The following SPG7 variants were observed in gnomAD, a reference collection of about 807,000 sequenced individuals.
SPG7 encodes SPG7 matrix AAA peptidase subunit, paraplegin, also known as mitochondrial inner membrane m-AAA protease component paraplegin.
Under a neutral mutation model 81.9 loss-of-function variants are expected in SPG7, and 103 were observed. That is an observed-to-expected ratio of 1.26 (90% CI 1.07 to 1.48). SPG7 has a LOEUF of 1.48. Ranked by LOEUF, SPG7 falls within the 40% of genes most tolerant of loss-of-function variation. The pLI is 0.00. For synonymous variants in SPG7, 534 were observed against 444.2 expected (o/e 1.20, Z -2.54); for missense variants, 1,241 against 1,087.3 (o/e 1.14, Z -1.99).
intron 5 of SPG7, among the ~76,000 whole-genome samples, chr16:89,528,303 G>A (rs999501152): frequency 1.3e-5 from 2 of 151,674 alleles, no homozygotes; most frequent in Admixed American, 1.3e-4. Context: ...GAGGCAGGAG[G>A]ATGGCGTGAA....
At chr16:89,511,995 T>C (rs2058029809) in intron 2 of SPG7, among the ~76,000 whole-genome samples, 1 of 151,986 alleles carries the variant, frequency 6.6e-6, no homozygotes, top group Non-Finnish European at 1.5e-5. Context: ...CACTGCAAGC[T>C]CTGCCTCCAG....
intron 3 of SPG7, 96 bp from the exon 4 acceptor site, chr16:89,523,910 C>A: frequency 6.6e-7 from 1 of 1,509,202 alleles, no homozygotes; most frequent in Non-Finnish European, 9.0e-7. Flanking sequence ...CGCTGCCCCT[C>A]CCCGTCCAGC....
In SPG7 at chr16:89,524,189, C is replaced by T. The variant is rs2152399546; in HGVS notation, c.560C>T (p.Pro187Leu). 1 of 1,613,928 alleles carries T rather than the reference C, an allele frequency of 6.2e-7. No homozygotes were observed. Among genetic ancestry groups the T allele is most frequent in the African/African-American group, 1.3e-5 (1 of 75,026 alleles). The change falls in exon 4 of 17, where the codon CCT (proline) becomes CTT (leucine). Residue 187 changes from proline (P) to leucine (L), a missense_variant. Physicochemically the swap from Pro to Leu is moderately conservative, Grantham distance 98 (BLOSUM62 -3). Transcript: ENST00000645818. The part of the protein sequence containing the change: ...KGEVQRVQVV[P>L]ESDVVEVYLH... ...GAGGTGCAGCGCGTCCAGGTGGTGC[C>T]TGAGAGCGACGTGGTGGAAGTCTAC...
At chr16:89,509,912 C>T (rs2057990351) in intron 1 of SPG7, among the ~76,000 whole-genome samples, 1 of 151,762 alleles carries the variant, frequency 6.6e-6, no homozygotes, top group African/African-American at 2.4e-5. Context: ...CCTCAGCCTC[C>T]CAAAGTGCTG....
At chr16:89,552,050 G>C (rs966567041) in intron 13 of SPG7, 1 of 152,072 alleles carries the variant, frequency 6.6e-6, no homozygotes, top group Non-Finnish European at 1.5e-5. Context: ...CACTGCAGCC[G>C]TTATTTAGAG....
At chr16:89,517,976 A>G (rs1356984921) in intron 3 of SPG7, 1 of 152,334 alleles carries the variant, frequency 6.6e-6, no homozygotes, top group East Asian at 1.9e-4. Flanking sequence ...CTTGGAGAAA[A>G]TAATGTCTGT....
In SPG7 at chr16:89,526,413, A is replaced by G. The variant is rs191022979; in HGVS notation, c.703A>G (p.Ile235Val). The change falls in exon 5 of 17, where the codon ATC becomes GTC. Residue 235 changes from isoleucine to valine, a missense_variant. Physicochemically the swap from Ile to Val is conservative, Grantham distance 29. Transcript: ENST00000645818. ...TCGAGCAGCTGAAGATGAGCTGAAT[A>G]TCGAGGCCAAGGACAGGATCCCAGT... ...KLRAAEDELN[I>V]EAKDRIPVSY... 22 of 1,614,204 alleles carry G rather than the reference A, an allele frequency of 1.4e-5. No individual in the cohort carries two copies. The Admixed American group carries it at 3.0e-4, about 22-fold the overall frequency.
chr16:89,541,934 T>C (rs12928752), intron 9 of SPG7: 75,996 of 147,736 alleles, frequency 0.51, 19,462 homozygotes, highest in Non-Finnish European at 0.55. Context: ...GCCACCCTGA[T>C]ACATAGCGGC....
intron 3 of SPG7, chr16:89,520,686 T>C (rs918254965): frequency 6.6e-6 from 1 of 151,222 alleles, no homozygotes; most frequent in African/African-American, 2.4e-5. Flanking sequence ...CGTAAGCCAC[T>C]GCGCCCAGCC....
chr16:89,539,820 T>C (rs901560922), intron 9 of SPG7: 4 of 152,152 alleles, frequency 2.6e-5, no homozygotes, highest in Non-Finnish European at 5.9e-5. Flanking sequence ...AATGATCTTT[T>C]CACCTCAGCT....
rs1419170613 is a variant in SPG7 at position 89,508,484 on chromosome 16, T to G, written c.67T>G (p.Trp23Gly). Residue 23 changes from tryptophan to glycine, a missense_variant, in exon 1 of 17, where the codon TGG becomes GGG. Transcript: ENST00000645818. Reference sequence around the variant, plus strand: ...TCCAGGCCCGGGTCCTCGGCCGCTGTGGGGCCCAGGCCCGGCCTGGAGTCC... The same window carrying G: ...TCCAGGCCCGGGTCCTCGGCCGCTGGGGGGCCCAGGCCCGGCCTGGAGTCC... Reference protein sequence around the residue: ...RGPGPGPRPLWGPGPAWSPGF... With the variant: ...RGPGPGPRPLGGPGPAWSPGF... 1 of 1,509,352 alleles carries G rather than the reference T, an allele frequency of 6.6e-7. No individual in the cohort carries two copies. The highest frequency in any genetic ancestry group is 1.2e-5 in the South Asian group (1 of 81,442). 93.5% of individuals were successfully genotyped at this position (1,509,352 alleles called of 1,614,324 possible). A position where few individuals can be genotyped will look rare whatever the true frequency, so the allele number is the denominator to read the frequency against.
intron 9 of SPG7, chr16:89,539,943 A>G (rs1302866189): frequency 6.6e-6 from 1 of 152,182 alleles, no homozygotes; most frequent in Non-Finnish European, 1.5e-5. Flanking sequence ...GTCTACATGA[A>G]GTGGGAGGTT....
intron 7 of SPG7, chr16:89,531,343 AGAC>A (rs1257722059): frequency 5.0e-6 from 1 of 200,530 alleles, no homozygotes; most frequent in African/African-American, 2.3e-5. Flanking sequence ...GGCAACAGTG[AGAC>A]CCTGTCTCTG....
chr16:89,517,452 G>C (rs2058115042), intron 3 of SPG7: 1 of 152,308 alleles, frequency 6.6e-6, no homozygotes, highest in Non-Finnish European at 1.5e-5. Context: ...GTAGGTGCTT[G>C]TCCAGTGAAA....
chr16:89,513,342 C>T lies in SPG7; in HGVS notation c.376+305C>T, dbSNP rs192540316. Among the ~76,000 whole-genome samples, 67 of 151,908 alleles carry T rather than the reference C, an allele frequency of 4.4e-4. 1 individual carries two copies. The highest frequency in any genetic ancestry group is 1.4e-3 in the African/African-American group (58 of 41,412). On this transcript the variant is annotated intron_variant, in intron 3 of 16. Coordinates refer to ENST00000645818, the MANE Select transcript of SPG7 (RefSeq NM_003119.4). ...CTGCACCCTGGCCAACATGGTGAAACCCCGTCTTTACTAAAAATAGAAAAT... is the reference window on the plus strand; with the variant it reads ...CTGCACCCTGGCCAACATGGTGAAATCCCGTCTTTACTAAAAATAGAAAAT...
chr16:89,515,281 A>G (rs1240575008), intron 3 of SPG7, among the ~76,000 whole-genome samples: 2 of 135,762 alleles, frequency 1.5e-5, no homozygotes, highest in African/African-American at 2.8e-5. Flanking sequence ...TTATTTATTT[A>G]TTTTTGAAAC....
At chr16:89,540,334 C>T (rs2058478804) in intron 9 of SPG7, 3 of 152,114 alleles carry the variant, frequency 2.0e-5, no homozygotes, top group African/African-American at 7.2e-5. Flanking sequence ...TACGTGTGAT[C>T]CCAGCATTTT....
intron 3 of SPG7, chr16:89,522,574 C>T (rs74037214): frequency 0.031 from 4,776 of 152,122 alleles, 229 homozygotes; most frequent in African/African-American, 0.11. Context: ...GCGCTGTGTC[C>T]GCAGGCGCAG....
chr16:89,536,912 G>A (rs2058432689), intron 9 of SPG7: 3 of 1,614,078 alleles, frequency 1.9e-6, no homozygotes, highest in Admixed American at 3.3e-5. Flanking sequence ...TTGCACTGAA[G>A]ATAGAGACCA....
Sources: gnomAD v4.1 joint callset for allele counts (sites outside exome capture counted in the v4.1 genomes callset) on GRCh38, gnomAD v4.1.1 for gene constraint, MANE v1.5 for transcripts, NCBI Gene and HGNC (gene_info 2026-07-23, HGNC 2026-07-21) for gene names.